RASGRP4: variants seen among roughly 807,000 people sequenced by gnomAD.
RASGRP4 encodes the protein RAS guanyl releasing protein 4, also known as RAS guanyl-releasing protein 4.
A neutral mutation model predicts 84.4 loss-of-function variants in RASGRP4; 52 were observed. The observed-to-expected ratio is 0.62, with a 90% confidence interval of 0.49 to 0.78. RASGRP4 has a LOEUF of 0.78. Ranked by LOEUF, RASGRP4 falls within the 30% of genes least tolerant of loss-of-function variation. The pLI, the probability that RASGRP4 is intolerant of heterozygous loss-of-function variation, is 0.00. For synonymous variants in RASGRP4, 356 were observed against 359.1 expected, an observed-to-expected ratio of 0.99 and a Z score of 0.10; for missense variants, 760 against 886.9, an observed-to-expected ratio of 0.86 and a Z score of 1.82.
chr19:38,418,655 T>A lies in RASGRP4; in HGVS notation c.664-91A>T. 1 of 1,235,340 alleles carries A rather than the reference T, an allele frequency of 8.1e-7. No homozygotes were observed. The highest frequency in any genetic ancestry group is 1.1e-6 in the Non-Finnish European group (1 of 921,034). The allele number at this position is 1,235,340 out of a possible 1,614,324, so 76.5% of individuals were successfully genotyped here. The stretch of plus-strand genomic sequence containing the variant: ...CTAGCAGTCACGATCTCTGATGTCC[T>A]AGCCTGGTCTAGCCGGAGTGACCTT... On this transcript the variant is annotated intron_variant, in intron 6 of 16. Coordinates refer to ENST00000615439, the MANE Select transcript of RASGRP4 (RefSeq NM_170604.3). The surrounding 1 kb of genome is among the most constrained non-coding windows in gnomAD (Gnocchi z 4.6).
chr19:38,426,151 CT>C lies in RASGRP4; in HGVS notation c.-61del. 1 of 1,261,294 alleles carries C rather than the reference CT, an allele frequency of 7.9e-7. No individual in the cohort carries two copies. The highest frequency in any genetic ancestry group is 1.0e-6 in the Non-Finnish European group (1 of 988,408). 78.1% of individuals were successfully genotyped at this position (1,261,294 alleles called of 1,614,324 possible). A position where few individuals can be genotyped will look rare whatever the true frequency, so the allele number is the denominator to read the frequency against. On this transcript the variant is annotated 5_prime_UTR_variant, in exon 1 of 17. Coordinates refer to ENST00000615439, the MANE Select transcript of RASGRP4 (RefSeq NM_170604.3). ...GCAAGAGTAGGGCTCAGCTCCTCCC[CT>C]TGCCCAGGACTCCAGCTTCTCAGCC...
chr19:38,424,224 A>C (rs994527113), intron 1 of RASGRP4, among the ~76,000 whole-genome samples: 3 of 151,702 alleles, frequency 2.0e-5, no homozygotes, highest in Admixed American at 6.6e-5. Flanking sequence ...GGTTCAAGCA[A>C]TTCTCCTGCC....
intron 8 of RASGRP4, among the ~76,000 whole-genome samples, 159 bp from the exon 9 acceptor site, chr19:38,415,282 G>C (rs1183520107): frequency 6.6e-6 from 1 of 151,864 alleles, no homozygotes; most frequent in African/African-American, 2.4e-5. Flanking sequence ...CCCCCAAACT[G>C]CTCTTCCTCT....
At position 38,409,769 on chromosome 19, in the gene RASGRP4, T is replaced by A. The variant is rs1971144090; in HGVS notation, c.*271A>T. ...AAAAAGAAATGGAGATGTAGGGAGT[T>A]GGTAGAATGAGGCCTGAGTCTAAAT... On this transcript the variant is annotated 3_prime_UTR_variant, in exon 17 of 17. Transcript: ENST00000615439. The A allele has an allele frequency of 3.5e-6, 1 of 288,956 alleles. No individual in the cohort carries two copies. The highest frequency in any genetic ancestry group is 6.4e-6 in the Non-Finnish European group (1 of 156,052). 17.9% of individuals were successfully genotyped at this position (288,956 alleles called of 1,614,324 possible).
intron 5 of RASGRP4, 34 bp from the exon 6 acceptor site, chr19:38,420,047 C>G: frequency 6.2e-7 from 1 of 1,610,764 alleles, no homozygotes; most frequent in Non-Finnish European, 8.5e-7. Flanking sequence ...ATTGGAGTGG[C>G]TCACAGTTGA....
intron 2 of RASGRP4, 71 bp from the exon 3 acceptor site, chr19:38,421,271 G>A: frequency 8.8e-7 from 1 of 1,137,230 alleles, no homozygotes; most frequent in Non-Finnish European, 1.3e-6. Flanking sequence ...TCCAGATCCT[G>A]CCGGACCACC....
intron 3 of RASGRP4, 38 bp from the exon 4 acceptor site, chr19:38,421,008 G>A (rs746510349): frequency 6.2e-7 from 1 of 1,610,884 alleles, no homozygotes; most frequent in South Asian, 1.1e-5. Context: ...CAGGATCCAT[G>A]ACCTGCCTGC....
chr19:38,411,540 G>A (rs1270609743), intron 13 of RASGRP4, 159 bp from the exon 14 acceptor site: 1 of 736,684 alleles, frequency 1.4e-6, no homozygotes, highest in Non-Finnish European at 2.2e-6. Flanking sequence ...GGGGTACAGT[G>A]GCTCATGCCA....
chr19:38,414,961 G>A lies in RASGRP4; in HGVS notation c.1117C>T (p.Arg373Cys), dbSNP rs375873487. Reference sequence around the variant, plus strand: ...TTGTTCAGCTTGGGTAGGTGCAGGCGGCCGTCAGGCAACCTGTCGGGCTGT... The same window carrying A: ...TTGTTCAGCTTGGGTAGGTGCAGGCAGCCGTCAGGCAACCTGTCGGGCTGT... Reference protein sequence around the residue: ...EAQPDRLPDGRLHLPKLNNLY... With the variant: ...EAQPDRLPDGCLHLPKLNNLY... The change falls in exon 9 of 17, where the codon CGC (arginine) becomes TGC (cysteine). Residue 373 changes from arginine to cysteine, a missense_variant. Arg to Cys is a radical substitution (Grantham distance 180). Transcript: ENST00000615439. The A allele has an allele frequency of 1.2e-5, 20 of 1,613,464 alleles. No homozygotes were observed. In the Admixed American group the frequency reaches 1.7e-4, roughly 13 times the overall value.
rs2145217680 is a variant in RASGRP4, at chr19:38,417,573, T to G, written c.838-405A>C. On this transcript the variant is annotated intron_variant, in intron 7 of 16. Coordinates refer to ENST00000615439, the MANE Select transcript of RASGRP4 (RefSeq NM_170604.3). This position sits in a 1 kb window ranked among gnomAD's most constrained non-coding sequence, Gnocchi z 5.1. ...TGCGGGGAGGCAAGAAGGTGCAGGC[T>G]CTGGGCAGGAGCTGGGAGCCAGGCA... Among the ~76,000 whole-genome samples, 1 of 152,122 alleles carries G rather than the reference T, an allele frequency of 6.6e-6. No homozygotes were observed. The highest frequency in any genetic ancestry group is 1.9e-4 in the East Asian group (1 of 5,148).
chr19:38,418,322 G>A lies in RASGRP4; in HGVS notation c.837+69C>T. ...CGCCGGGATGACCCTGTGGGGTCGA[G>A]GGTCTGGAAGGGGAAGGACCAGGTG... On this transcript the variant is annotated intron_variant, in intron 7 of 16. Transcript: ENST00000615439. This position sits in a 1 kb window ranked among gnomAD's most constrained non-coding sequence, Gnocchi z 4.6. 5 of 1,495,916 alleles carry A rather than the reference G, an allele frequency of 3.3e-6. No homozygotes were observed. Among genetic ancestry groups the A allele is most frequent in the Non-Finnish European group, 4.6e-6 (5 of 1,098,500 alleles). The allele number at this position is 1,495,916 out of a possible 1,614,324, so 92.7% of individuals were successfully genotyped here. A position where few individuals can be genotyped will look rare whatever the true frequency, so the allele number is the denominator to read the frequency against.
intron 6 of RASGRP4, among the ~76,000 whole-genome samples, chr19:38,419,286 G>C: frequency 6.6e-6 from 1 of 152,202 alleles, no homozygotes; most frequent in Non-Finnish European, 1.5e-5. Context: ...TTCCTGCAAG[G>C]CAGGAACTGT....
chr19:38,412,807 G>T lies in RASGRP4; in HGVS notation c.1545C>A (p.Ser515=). Residue 515 remains serine (S), a synonymous_variant, in exon 13 of 17, where the codon TCC becomes TCA. Coordinates refer to ENST00000615439, the MANE Select transcript of RASGRP4 (RefSeq NM_170604.3). This position sits in a 1 kb window ranked among gnomAD's most constrained non-coding sequence, Gnocchi z 4.6. ...ACCCTGTCAGCTCCTCTCTGCTGAA[G>T]GATCCTCTCCTGGGGGCAGAAACTG... ...LHPPPRQGRG[S]FSREELTGYL... 6.2e-7 allele frequency: 1 copy of T among 1,608,122 alleles called. No homozygotes were observed. Among genetic ancestry groups the T allele is most frequent in the Non-Finnish European group, 8.5e-7 (1 of 1,177,210 alleles).
chr19:38,419,889 G>T lies in RASGRP4; in HGVS notation c.634C>A (p.Leu212Met). 1 of 1,606,768 alleles carries T rather than the reference G, an allele frequency of 6.2e-7. No homozygotes were observed. The highest frequency in any genetic ancestry group is 8.5e-7 in the Non-Finnish European group (1 of 1,176,656). ...TGELAQHLTYLEFRSFQAITP... is the reference protein window; with the variant it reads ...TGELAQHLTYMEFRSFQAITP... Reference sequence around the variant, plus strand: ...ATAGCCTGGAAGGACCGGAACTCCAGGTAGGTGAGGTGCTGAGCCAGCTCC... The same window carrying T: ...ATAGCCTGGAAGGACCGGAACTCCATGTAGGTGAGGTGCTGAGCCAGCTCC... Residue 212 changes from leucine (L) to methionine (M), a missense_variant, in exon 6 of 17, where the codon CTG becomes ATG. By Grantham distance (15) the Leu-to-Met change is conservative (BLOSUM62 2). Coordinates refer to ENST00000615439, the MANE Select transcript of RASGRP4 (RefSeq NM_170604.3).
At chr19:38,424,664 G>A (rs535733376) in intron 1 of RASGRP4, among the ~76,000 whole-genome samples, 2 of 151,934 alleles carry the variant, frequency 1.3e-5, no homozygotes, top group East Asian at 3.9e-4. Flanking sequence ...AGAACTCCTG[G>A]CTTCAAGTTC....
Position 38,417,707 on chromosome 19 carries a change from G to T in RASGRP4, c.838-539C>A, listed in dbSNP as rs1029245832. On this transcript the variant is annotated intron_variant, in intron 7 of 16. Transcript: ENST00000615439. This position sits in a 1 kb window ranked among gnomAD's most constrained non-coding sequence, Gnocchi z 5.1. ...CTTGCCCTCCTTTTGACAAATTTCG[G>T]CAGAGGTTGCTGTGGAGAGAGTGGG... 6.6e-6 allele frequency among the ~76,000 whole-genome samples: 1 copy of T among 152,152 alleles called. No individual in the cohort carries two copies. The highest frequency in any genetic ancestry group is 2.4e-5 in the African/African-American group (1 of 41,426).
intron 1 of RASGRP4, among the ~76,000 whole-genome samples, chr19:38,424,960 T>C (rs573772031): frequency 6.6e-6 from 1 of 151,608 alleles, no homozygotes; most frequent in South Asian, 2.1e-4. Flanking sequence ...CCGAGGTGGG[T>C]GGATCACGAG....
In RASGRP4 at chr19:38,412,538, G is replaced by A; in HGVS notation, c.1680+134C>T. 1.3e-6 allele frequency: 1 copy of A among 795,378 alleles called. No homozygotes were observed. Among genetic ancestry groups the A allele is most frequent in the Non-Finnish European group, 2.0e-6 (1 of 511,246 alleles). The allele number at this position is 795,378 out of a possible 1,614,324, so 49.3% of individuals were successfully genotyped here. A position where few individuals can be genotyped will look rare whatever the true frequency, so the allele number is the denominator to read the frequency against. ...TTATCCAGGATATAGGGAATGTCTG[G>A]TGTTTAGGGTTTATATGAAACAGGA... On this transcript the variant is annotated intron_variant, in intron 13 of 16. Coordinates refer to ENST00000615439, the MANE Select transcript of RASGRP4 (RefSeq NM_170604.3). The surrounding 1 kb of genome is among the most constrained non-coding windows in gnomAD (Gnocchi z 4.6).
intron 1 of RASGRP4, among the ~76,000 whole-genome samples, chr19:38,424,042 A>C (rs977219461): frequency 3.3e-5 from 5 of 152,132 alleles, no homozygotes; most frequent in African/African-American, 1.2e-4. Context: ...TTAGTCACTT[A>C]ATTTCTCTGG....
Sources: gnomAD v4.1 joint callset for allele counts (sites outside exome capture counted in the v4.1 genomes callset) on GRCh38, gnomAD v4.1.1 for gene constraint, Gnocchi (gnomAD v3.1) non-coding constraint, MANE v1.5 for transcripts, NCBI Gene and HGNC (gene_info 2026-07-23, HGNC 2026-07-21) for gene names.